The following TUSC3 variants were observed in gnomAD, a reference collection of about 807,000 sequenced individuals.
TUSC3 encodes the protein tumor suppressor candidate 3, also known as dolichyl-diphosphooligosaccharide--protein glycosyltransferase subunit TUSC3.
A neutral mutation model predicts 44.8 loss-of-function variants in TUSC3; 45 were observed. The observed-to-expected ratio is 1.00, with a 90% CI of 0.79 to 1.29. The LOEUF (loss-of-function observed/expected upper bound fraction) is 1.29, where lower values mean the gene tolerates loss of function less well. TUSC3 is among the 50% of genes most tolerant of loss of function. The pLI is 0.00. For missense variants in TUSC3, 519 were observed against 437.9 expected, an observed-to-expected ratio of 1.19 and a Z score of -1.65; for synonymous variants, 212 against 152.9, an observed-to-expected ratio of 1.39 and a Z score of -2.85.
chr8:15,826,775 T>G, the TUSC3 span, among the ~76,000 whole-genome samples: 1 of 152,098 alleles, frequency 6.6e-6, no homozygotes, highest in Non-Finnish European at 1.5e-5. Flanking sequence ...AAAAGAGAAC[T>G]CTTCAGATAT....
At chr8:15,758,362 A>G in intron 10 of TUSC3, 1 of 420,750 alleles carries the variant, frequency 2.4e-6, no homozygotes, top group Middle Eastern at 1.3e-3. Flanking sequence ...TATATATATA[A>G]AATTACTGTC....
At chr8:15,621,475 A>T (rs1432734308) in intron 1 of TUSC3, among the ~76,000 whole-genome samples, 1 of 146,936 alleles carries the variant, frequency 6.8e-6, no homozygotes, top group Non-Finnish European at 1.5e-5. Context: ...AGGTTATTTT[A>T]CTTTGGAAAT....
intron 2 of TUSC3, among the ~76,000 whole-genome samples, chr8:15,511,289 G>C (rs990324199): frequency 6.6e-6 from 1 of 152,054 alleles, no homozygotes; most frequent in African/African-American, 2.4e-5. Flanking sequence ...GGGAGGGAGG[G>C]AGGTGAGGAA....
intron 6 of TUSC3, among the ~76,000 whole-genome samples, chr8:15,695,964 A>G (rs750901056): frequency 6.6e-6 from 1 of 152,202 alleles, no homozygotes; most frequent in Non-Finnish European, 1.5e-5. Context: ...GCAGAGCATA[A>G]AAGTTCAGAA....
At chr8:15,659,438 A>G (rs1807321513) in intron 3 of TUSC3, 69 bp from the exon 4 acceptor site, 2 of 1,566,070 alleles carry the variant, frequency 1.3e-6, no homozygotes, top group Admixed American at 3.5e-5. Context: ...TTTCTACAGA[A>G]AAAGTGTAAA....
At chr8:15,623,298 A>G (rs1253545011) in intron 2 of TUSC3, 49 bp downstream of exon 2, 2 of 1,485,180 alleles carry the variant, frequency 1.3e-6, no homozygotes, top group South Asian at 1.4e-5. Context: ...CTTGGTTTAC[A>G]TATATATTTT....
the TUSC3 span, among the ~76,000 whole-genome samples, chr8:15,849,730 A>G: frequency 6.6e-6 from 1 of 152,116 alleles, no homozygotes; most frequent in African/African-American, 2.4e-5. Context: ...GGTAGTGCCT[A>G]TCAACTCAGT....
chr8:15,761,993 G>C (rs1027276615), intron 10 of TUSC3, among the ~76,000 whole-genome samples: 1 of 151,884 alleles, frequency 6.6e-6, no homozygotes, highest in African/African-American at 2.4e-5. Flanking sequence ...CTAATTCCTT[G>C]AGTGATAATA....
At chr8:15,588,613 T>C (rs759000749) in intron 1 of TUSC3, among the ~76,000 whole-genome samples, 1 of 152,144 alleles carries the variant, frequency 6.6e-6, no homozygotes, top group Non-Finnish European at 1.5e-5. Context: ...TGAAGTCTTA[T>C]CAACAAAATC....
intron 1 of TUSC3, among the ~76,000 whole-genome samples, chr8:15,475,131 A>G (rs576781878): frequency 4.3e-4 from 65 of 152,272 alleles, no homozygotes; most frequent in African/African-American, 1.2e-3. Context: ...AGCAGTTATT[A>G]TGCTCTGAGG....
intron 1 of TUSC3, among the ~76,000 whole-genome samples, chr8:15,472,915 T>C (rs1363982179): frequency 3.9e-5 from 6 of 152,162 alleles, no homozygotes; most frequent in Admixed American, 2.0e-4. Context: ...AAGTTGATAA[T>C]ATCTTGGTCA....
the TUSC3 span, among the ~76,000 whole-genome samples, chr8:15,826,201 T>A: frequency 5.8e-3 from 881 of 152,278 alleles, 4 homozygotes; most frequent in African/African-American, 0.02. Flanking sequence ...AATGTAATTC[T>A]AGGAGATGGC....
chr8:15,626,452 C>A (rs573719552), intron 2 of TUSC3, among the ~76,000 whole-genome samples: 1 of 152,318 alleles, frequency 6.6e-6, no homozygotes, highest in African/African-American at 2.4e-5. Context: ...CCCTACCCTG[C>A]CGAGCATGGT....
the TUSC3 span, among the ~76,000 whole-genome samples, chr8:15,825,253 C>T: frequency 1.3e-5 from 2 of 152,014 alleles, no homozygotes; most frequent in South Asian, 4.1e-4. Flanking sequence ...ATACCTGAGG[C>T]TGGGTAATTT....
At chr8:15,610,680 GT>G (rs1804723182) in intron 1 of TUSC3, among the ~76,000 whole-genome samples, 1 of 152,190 alleles carries the variant, frequency 6.6e-6, no homozygotes, top group African/African-American at 2.4e-5. Flanking sequence ...GCAAATTGAA[GT>G]AAACCCCTTT....
intron 6 of TUSC3, among the ~76,000 whole-genome samples, chr8:15,699,438 T>C (rs1809304801): frequency 6.6e-6 from 1 of 152,214 alleles, no homozygotes; most frequent in African/African-American, 2.4e-5. Context: ...AACAGACTAC[T>C]TGGATTTTAG....
intron 1 of TUSC3, among the ~76,000 whole-genome samples, chr8:15,421,767 A>C (rs2129115204): frequency 6.6e-6 from 1 of 152,302 alleles, no homozygotes; most frequent in East Asian, 1.9e-4. Flanking sequence ...ACGTCATCTG[A>C]GACCCTGGAT....
chr8:15,477,773 T>A (rs755773885), intron 1 of TUSC3, among the ~76,000 whole-genome samples: 4 of 152,082 alleles, frequency 2.6e-5, no homozygotes, highest in Non-Finnish European at 5.9e-5. Flanking sequence ...TATACACATA[T>A]AGTGTTTTCA....
chr8:15,460,936 T>G (rs1211294011), intron 1 of TUSC3, among the ~76,000 whole-genome samples: 2 of 152,212 alleles, frequency 1.3e-5, no homozygotes. Flanking sequence ...TATGGCCTTA[T>G]AGTATAGTTT....
Sources: allele counts gnomAD v4.1 joint callset (sites outside exome capture counted in the v4.1 genomes callset), GRCh38; gene constraint gnomAD v4.1.1; transcripts MANE v1.5; gene names NCBI Gene and HGNC (gene_info 2026-07-23, HGNC 2026-07-21).